Variants in CYSLTR1 observed in about 807,000 individuals in gnomAD.
CYSLTR1 encodes cysteinyl leukotriene receptor 1.
Under a neutral mutation model 2.1 loss-of-function variants are expected in CYSLTR1, and 1 was observed. That is an observed-to-expected ratio of 0.48 (90% confidence interval 0.17 to 2.28). CYSLTR1 has a LOEUF of 2.28. Ranked by LOEUF, CYSLTR1 falls within the 30% of genes most tolerant of loss-of-function variation. CYSLTR1 has a pLI of 0.26. For missense variants in CYSLTR1, 299 were observed against 250.1 expected, an observed-to-expected ratio of 1.20 and a Z score of -1.32; for synonymous variants, 110 against 89.6, an observed-to-expected ratio of 1.23 and a Z score of -1.28.
intron 1 of CYSLTR1, among the ~76,000 whole-genome samples, chrX:78,306,634 A>G (rs1049049273): frequency 8.9e-6 from 1 of 112,071 alleles, no homozygotes; most frequent in African/African-American, 3.2e-5. Flanking sequence ...TGGCAATAAC[A>G]CAATAGTCTT....
At chrX:78,294,388 G>C (rs1315586206) in intron 1 of CYSLTR1, among the ~76,000 whole-genome samples, 2 of 112,619 alleles carry the variant, frequency 1.8e-5, no homozygotes, top group Non-Finnish European at 3.8e-5. Context: ...TGAGGTGTCT[G>C]TCGGCCCCTA....
intron 1 of CYSLTR1, among the ~76,000 whole-genome samples, chrX:78,289,597 T>C (rs1922228372): frequency 1.8e-5 from 2 of 112,100 alleles, no homozygotes; most frequent in Admixed American, 1.9e-4. Context: ...AAAGTGTTCC[T>C]ATTTCTCCAC....
rs754032283 is a variant in CYSLTR1, at chrX:78,272,786, G to C, written c.961C>G (p.Pro321Ala). Residue 321 changes from proline (P) to alanine (A), a missense_variant, in exon 3 of 3, where the codon CCC becomes GCC. Coordinates refer to ENST00000373304, the MANE Select transcript of CYSLTR1 (RefSeq NM_006639.4). Reference sequence around the variant, plus strand: ...TCTGGCAAAGAGGCCTTCTTTCTGGGTACATAAGTCACGCTGGACAAAGAA... The same window carrying C: ...TCTGGCAAAGAGGCCTTCTTTCTGGCTACATAAGTCACGCTGGACAAAGAA... ...KHSLSSVTYV[P>A]RKKASLPEKG... 2.5e-6 allele frequency: 3 copies of C among 1,209,163 alleles called. No homozygotes were observed. The East Asian group carries it at 8.9e-5, about 36-fold the overall frequency.
chrX:78,300,503 G>A (rs1217088504), intron 1 of CYSLTR1, among the ~76,000 whole-genome samples: 1 of 112,824 alleles, frequency 8.9e-6, no homozygotes, highest in Non-Finnish European at 1.9e-5. Flanking sequence ...CTGCTTTAGG[G>A]GGCACCCCAA....
intron 1 of CYSLTR1, among the ~76,000 whole-genome samples, chrX:78,326,937 A>G (rs1200505094): frequency 8.9e-6 from 1 of 111,914 alleles, no homozygotes; most frequent in Admixed American, 9.5e-5. Flanking sequence ...TTTATTTTCC[A>G]TATTGAAGGA....
rs374519066 is a variant in CYSLTR1, at chrX:78,273,670, T to C, written c.77A>G (p.Tyr26Cys). 10 of 1,209,575 alleles carry C rather than the reference T, an allele frequency of 8.3e-6. No homozygotes were observed. Among genetic ancestry groups the C allele is most frequent in the Non-Finnish European group, 1.1e-5 (10 of 894,797 alleles). ...AGAGATCATAGAGTACAAGGTGGAATACACTTGATTGCGGAAGTCATCAAT... is the reference window on the plus strand; with the variant it reads ...AGAGATCATAGAGTACAAGGTGGAACACACTTGATTGCGGAAGTCATCAAT... ...DTIDDFRNQV[Y>C]STLYSMISVV... The change falls in exon 3 of 3, where the codon TAT (tyrosine) becomes TGT (cysteine). Residue 26 changes from tyrosine to cysteine, a missense_variant. Physicochemically the swap from Tyr to Cys is radical, Grantham distance 194 (BLOSUM62 -2). Transcript: ENST00000373304.
chrX:78,273,238 T>C lies in CYSLTR1; in HGVS notation c.509A>G (p.Asn170Ser). ...MAKPQKDEKNNTKCFEPPQDN... is the reference protein window; with the variant it reads ...MAKPQKDEKNSTKCFEPPQDN... ...TTGTGGGGGCTCAAAGCACTTGGTA[T>C]TATTTTTCTCATCTTTTTGTGGTTT... is the stretch of plus-strand genomic sequence containing the variant. Residue 170 changes from asparagine (N) to serine (S), a missense_variant, in exon 3 of 3, where the codon AAT (asparagine) becomes AGT (serine). Physicochemically the swap from Asn to Ser is conservative, Grantham distance 46. Transcript: ENST00000373304. 1 of 1,210,714 alleles carries C rather than the reference T, an allele frequency of 8.3e-7. No homozygotes were observed. The highest frequency in any genetic ancestry group is 1.1e-6 in the Non-Finnish European group (1 of 895,115).
chrX:78,320,001 G>A (rs1253961587), intron 1 of CYSLTR1: 1 of 111,647 alleles, frequency 9.0e-6, no homozygotes, highest in East Asian at 2.8e-4. Flanking sequence ...TGTAGATTCT[G>A]GATATTGGCC....
chrX:78,283,377 G>T (rs1450278038), intron 2 of CYSLTR1, 77 bp downstream of exon 2: 2 of 112,403 alleles, frequency 1.8e-5, no homozygotes, highest in Non-Finnish European at 3.8e-5. Flanking sequence ...ATTTTCATGA[G>T]AATAATGAAG....
At chrX:78,280,731 C>T (rs1438018452) in intron 2 of CYSLTR1, among the ~76,000 whole-genome samples, 1 of 111,332 alleles carries the variant, frequency 9.0e-6, no homozygotes, top group Non-Finnish European at 1.9e-5. Flanking sequence ...CCTCTCCCTC[C>T]TCACAGCCTC....
chrX:78,275,322 A>T (rs1354600677), intron 2 of CYSLTR1, among the ~76,000 whole-genome samples: 12 of 112,169 alleles, frequency 1.1e-4, no homozygotes, highest in Non-Finnish European at 2.3e-4. Context: ...AAGACTTGGA[A>T]CCAAACCAAA....
chrX:78,319,658 T>C (rs1923562468), intron 1 of CYSLTR1: 1 of 111,833 alleles, frequency 8.9e-6, no homozygotes, highest in Non-Finnish European at 1.9e-5. Flanking sequence ...TCAAATGGTA[T>C]TTCTAGTTTT....
intron 1 of CYSLTR1, among the ~76,000 whole-genome samples, chrX:78,316,260 C>G (rs1243203869): frequency 8.9e-6 from 1 of 112,023 alleles, no homozygotes; most frequent in African/African-American, 3.2e-5. Context: ...GGGAACGCAC[C>G]CAGTGGAATT....
intron 1 of CYSLTR1, among the ~76,000 whole-genome samples, chrX:78,323,882 A>G (rs1923760063): frequency 8.9e-6 from 1 of 112,145 alleles, no homozygotes; most frequent in Admixed American, 9.4e-5. Flanking sequence ...ATGACATTTT[A>G]TTCATCAAAA....
intron 1 of CYSLTR1, among the ~76,000 whole-genome samples, chrX:78,296,850 A>G (rs1922596320): frequency 9.0e-6 from 1 of 111,543 alleles, no homozygotes; most frequent in African/African-American, 3.2e-5. Context: ...GGATAAGTTG[A>G]CTTATTCCTT....
At chrX:78,281,068 T>C (rs1921819192) in intron 2 of CYSLTR1, among the ~76,000 whole-genome samples, 1 of 111,499 alleles carries the variant, frequency 9.0e-6, no homozygotes, top group Non-Finnish European at 1.9e-5. Flanking sequence ...GTCTTTATGG[T>C]AGAATGATTT....
chrX:78,324,042 C>A (rs1359452402), intron 1 of CYSLTR1, among the ~76,000 whole-genome samples: 2 of 111,706 alleles, frequency 1.8e-5, no homozygotes, highest in South Asian at 3.8e-4. Context: ...CCACCCCAAT[C>A]TAGAAGAAGG....
In CYSLTR1 at chrX:78,327,405, A is replaced by G. The variant is rs199644029; in HGVS notation, c.-215T>C. 8.9e-6 allele frequency: 1 copy of G among 111,773 alleles called. No homozygotes were observed. The highest frequency in any genetic ancestry group is 1.9e-5 in the Non-Finnish European group (1 of 53,167). 9.2% of individuals were successfully genotyped at this position (111,773 alleles called of 1,213,427 possible). On this transcript the variant is annotated 5_prime_UTR_variant, in exon 1 of 3. Transcript: ENST00000373304. ...TTCGATCTACCAGTCCTTGCAATTA[A>G]TCCTTGTTGGCGAGCTGCACAGTAT...
At chrX:78,305,150 C>T (rs1922980244) in intron 1 of CYSLTR1, among the ~76,000 whole-genome samples, 1 of 112,012 alleles carries the variant, frequency 8.9e-6, no homozygotes, top group Non-Finnish European at 1.9e-5. Context: ...AAGTATATCT[C>T]TTCCTTAATG....
Sources: gnomAD v4.1 joint callset for allele counts (sites outside exome capture counted in the v4.1 genomes callset) on GRCh38, gnomAD v4.1.1 for gene constraint, MANE v1.5 for transcripts, NCBI Gene and HGNC (gene_info 2026-07-23, HGNC 2026-07-21) for gene names.